SFMBT2: variants seen among roughly 807,000 people sequenced by gnomAD.
The protein encoded by SFMBT2 is Scm like with four mbt domains 2.
In SFMBT2, 38 loss-of-function variants were observed where a neutral mutation model predicts 110.1. The ratio of observed to expected loss-of-function variants is 0.35; its 90% CI spans 0.27 to 0.45. The LOEUF (loss-of-function observed/expected upper bound fraction) is 0.45, where lower values mean the gene tolerates loss of function less well. Ranked by LOEUF, SFMBT2 falls within the 20% of genes least tolerant of loss-of-function variation. SFMBT2 has a pLI of 1.00. For synonymous variants in SFMBT2, 425 were observed against 425.4 expected, an observed-to-expected ratio of 1.00 and a Z score of 0.01; for missense variants, 1,011 against 1,094.9, an observed-to-expected ratio of 0.92 and a Z score of 1.08.
chr10:7,166,403 T>A (rs1482243381), intron 20 of SFMBT2, among the ~76,000 whole-genome samples: 1 of 152,264 alleles, frequency 6.6e-6, no homozygotes, highest in African/African-American at 2.4e-5. Context: ...AAAATATTCG[T>A]GTAACTCTTT....
chr10:7,262,059 C>T (rs1161068529), intron 7 of SFMBT2, among the ~76,000 whole-genome samples: 3 of 152,262 alleles, frequency 2.0e-5, no homozygotes, highest in Non-Finnish European at 4.4e-5. Flanking sequence ...CCCCTTATTA[C>T]ATGGGGTCCT....
intron 7 of SFMBT2, among the ~76,000 whole-genome samples, chr10:7,265,448 C>T (rs527638630): frequency 4.7e-4 from 71 of 152,266 alleles, no homozygotes; most frequent in Admixed American, 9.8e-4. Flanking sequence ...GCAATCCTCC[C>T]GCCTGGCCTC....
chr10:7,327,725 A>G (rs918945670), intron 4 of SFMBT2, among the ~76,000 whole-genome samples: 5 of 152,000 alleles, frequency 3.3e-5, no homozygotes, highest in Non-Finnish European at 7.4e-5. Flanking sequence ...ATCTAACAGC[A>G]TGCAACCTTT....
chr10:7,377,895 G>A (rs1015261559), intron 2 of SFMBT2, among the ~76,000 whole-genome samples: 9 of 151,306 alleles, frequency 5.9e-5, no homozygotes, highest in Admixed American at 1.3e-4. Context: ...GAGGTGGCAC[G>A]GGAGGAAAGA....
chr10:7,385,917 G>A (rs550347207), intron 1 of SFMBT2, among the ~76,000 whole-genome samples: 1 of 152,068 alleles, frequency 6.6e-6, no homozygotes, highest in Non-Finnish European at 1.5e-5. Flanking sequence ...GGAGAATGGC[G>A]TGAACCCGGG....
intron 11 of SFMBT2, among the ~76,000 whole-genome samples, chr10:7,218,436 G>T (rs975200122): frequency 1.3e-5 from 2 of 152,190 alleles, no homozygotes; most frequent in African/African-American, 4.8e-5. Context: ...AGTATCTTTT[G>T]TAAGTAATGA....
chr10:7,340,354 C>T (rs551258203), intron 4 of SFMBT2, among the ~76,000 whole-genome samples: 168 of 152,094 alleles, frequency 1.1e-3, no homozygotes, highest in African/African-American at 1.9e-3. Context: ...AGAAAAGCCA[C>T]GTATAAGTGA....
chr10:7,385,620 G>T (rs1007214051), intron 1 of SFMBT2, among the ~76,000 whole-genome samples: 2 of 152,162 alleles, frequency 1.3e-5, no homozygotes, highest in Non-Finnish European at 2.9e-5. Flanking sequence ...GAAAAGCTTA[G>T]AGCTATGGAC....
chr10:7,251,014 A>C (rs1454216562), intron 7 of SFMBT2, among the ~76,000 whole-genome samples: 1 of 152,224 alleles, frequency 6.6e-6, no homozygotes, highest in African/African-American at 2.4e-5. Context: ...ATTCAAAGTT[A>C]ATTTGAATGT....
intron 15 of SFMBT2, among the ~76,000 whole-genome samples, chr10:7,193,783 C>T (rs1588788255): frequency 6.6e-6 from 1 of 152,302 alleles, no homozygotes; most frequent in East Asian, 1.9e-4. Context: ...ATGTAAGTTA[C>T]AAGGCAAAAA....
chr10:7,256,945 A>G (rs1483850567), intron 7 of SFMBT2, among the ~76,000 whole-genome samples: 6 of 152,012 alleles, frequency 3.9e-5, no homozygotes, highest in Admixed American at 1.3e-4. Context: ...TATAAAAATT[A>G]GCTGGGCGTG....
chr10:7,393,008 T>C (rs1386839789), intron 1 of SFMBT2, among the ~76,000 whole-genome samples: 1 of 78,342 alleles, frequency 1.3e-5, no homozygotes, highest in Non-Finnish European at 2.3e-5. Context: ...TATATATATA[T>C]ATATATATAT....
In SFMBT2 at chr10:7,243,711, AG is replaced by A; in HGVS notation, c.973-7del. On this transcript the variant is annotated splice_region_variant and splice_polypyrimidine_tract_variant and intron_variant, in intron 8 of 20. Transcript: ENST00000397167. The stretch of plus-strand genomic sequence containing the variant: ...AAAAAGTGATTGTTAAAAACCTAAA[AG>A]AAAAAAAATGGGGGAGCCAAAGGTT... 1.1e-6 allele frequency: 1 copy of A among 870,342 alleles called. No homozygotes were observed. The highest frequency in any genetic ancestry group is 2.4e-5 in the East Asian group (1 of 41,698). 53.9% of individuals were successfully genotyped at this position (870,342 alleles called of 1,614,324 possible).
At chr10:7,184,567 A>T (rs779493247) in intron 16 of SFMBT2, among the ~76,000 whole-genome samples, 3 of 152,148 alleles carry the variant, frequency 2.0e-5, no homozygotes, top group Non-Finnish European at 2.9e-5. Flanking sequence ...TTAAAAGTTG[A>T]GAAGAATCTA....
At chr10:7,270,524 GA>G (rs935931368) in intron 7 of SFMBT2, among the ~76,000 whole-genome samples, 2 of 152,130 alleles carry the variant, frequency 1.3e-5, no homozygotes, top group Non-Finnish European at 2.9e-5. Context: ...TGAAATAAGA[GA>G]AAACATTAAT....
intron 9 of SFMBT2, among the ~76,000 whole-genome samples, chr10:7,228,608 G>A (rs934055333): frequency 6.6e-6 from 1 of 152,008 alleles, no homozygotes; most frequent in African/African-American, 2.4e-5. Flanking sequence ...TACTGAGAGA[G>A]GCATTTGAAC....
intron 7 of SFMBT2, among the ~76,000 whole-genome samples, chr10:7,269,224 T>C (rs370210172): frequency 5.3e-5 from 8 of 152,338 alleles, no homozygotes; most frequent in African/African-American, 1.9e-4. Flanking sequence ...CATCCAAAGC[T>C]ATTCACAGTG....
At chr10:7,209,202 G>A (rs917246488) in intron 11 of SFMBT2, among the ~76,000 whole-genome samples, 9 of 152,206 alleles carry the variant, frequency 5.9e-5, no homozygotes, top group African/African-American at 1.7e-4. Context: ...TTAAAAGAAT[G>A]TCCACAATGC....
At chr10:7,221,573 GA>G (rs59097520) in intron 10 of SFMBT2, among the ~76,000 whole-genome samples, 1,679 of 142,398 alleles carry the variant, frequency 0.012, 34 homozygotes, top group African/African-American at 0.041. Flanking sequence ...CTCAAATGAG[GA>G]AAAAAAAAAA....
Sources: gnomAD v4.1 joint callset for allele counts (sites outside exome capture counted in the v4.1 genomes callset) on GRCh38, gnomAD v4.1.1 for gene constraint, MANE v1.5 for transcripts, NCBI Gene and HGNC (gene_info 2026-07-23, HGNC 2026-07-21) for gene names.